Variants in FRYL observed in about 807,000 individuals in gnomAD.
FRYL encodes the protein protein furry homolog-like.
In FRYL, 150 loss-of-function variants were observed where a neutral mutation model predicts 351.2. The observed-to-expected ratio is 0.43, with a 90% confidence interval of 0.37 to 0.49. FRYL has a LOEUF of 0.49. Among genes scored for constraint, FRYL ranks in the 20% least tolerant of loss-of-function variants. The probability of loss-of-function intolerance (pLI) is 0.00; values close to 1 mark genes in which losing one functional copy is unlikely to be tolerated. For missense variants in FRYL, 3,036 were observed against 3,619.3 expected, an observed-to-expected ratio of 0.84 and a Z score of 4.13; for synonymous variants, 1,153 against 1,257.1, an observed-to-expected ratio of 0.92 and a Z score of 1.75.
intron 3 of FRYL, among the ~76,000 whole-genome samples, chr4:48,661,234 T>C (rs1240189769): frequency 6.6e-6 from 1 of 152,244 alleles, no homozygotes; most frequent in Non-Finnish European, 1.5e-5. Context: ...GACTTCTACT[T>C]CTAGCCCTGA....
Position 48,510,868 on chromosome 4 carries a change from T to G in FRYL, c.8262A>C (p.Ser2754=), listed in dbSNP as rs751246504. The change falls in exon 58 of 64, where the codon TCA becomes TCC. Residue 2754 remains serine (S), a synonymous_variant. Coordinates refer to ENST00000358350, the MANE Select transcript of FRYL (RefSeq NM_015030.2). The part of the protein sequence containing the change: ...KSSLEVMMLC[S]ECPTVFVDAE... The stretch of plus-strand genomic sequence containing the variant: ...CATCCACAAAGACTGTTGGGCATTC[T>G]GAACACAGCATCATCACTTCCAAGG... 1 of 1,613,384 alleles carries G rather than the reference T, an allele frequency of 6.2e-7. No homozygotes were observed. Among genetic ancestry groups the G allele is most frequent in the Admixed American group, 1.7e-5 (1 of 59,928 alleles).
chr4:48,698,265 G>A (rs979115724), intron 2 of FRYL, among the ~76,000 whole-genome samples: 4 of 152,222 alleles, frequency 2.6e-5, no homozygotes, highest in African/African-American at 9.6e-5. Flanking sequence ...ACTTACTATA[G>A]CCACAATCTG....
chr4:48,715,060 C>G (rs1056632763), intron 1 of FRYL, among the ~76,000 whole-genome samples: 2 of 152,160 alleles, frequency 1.3e-5, no homozygotes, highest in African/African-American at 4.8e-5. Context: ...AGGCCTTTGA[C>G]TAAATTCAAT....
chr4:48,534,692 ATAATGT>A lies in FRYL; in HGVS notation c.6565-13_6565-8del, dbSNP rs770287251. 1.3e-4 allele frequency: 190 copies of A among 1,491,842 alleles called. No homozygotes were observed. The highest frequency in any genetic ancestry group is 3.2e-5 in the Non-Finnish European group (35 of 1,085,148). 92.4% of individuals were successfully genotyped at this position (1,491,842 alleles called of 1,614,324 possible). ...ACAATCCTTTCTCTAACAGCTAAAA[ATAATGT>A]TAAAAGTAATATTAAAGTATACTTT... On this transcript the variant is annotated splice_polypyrimidine_tract_variant and splice_region_variant and intron_variant, in intron 48 of 63. Transcript: ENST00000358350.
At chr4:48,736,850 G>GAAAA (rs368006420) in intron 1 of FRYL, among the ~76,000 whole-genome samples, 3 of 40,594 alleles carry the variant, frequency 7.4e-5, no homozygotes, top group East Asian at 7.3e-4. Context: ...ACTCTGTCTC[G>GAAAA]AAAAAAAAAA....
chr4:48,609,705 CA>C (rs1202902053), intron 8 of FRYL, 38 bp downstream of exon 8: 37 of 1,040,046 alleles, frequency 3.6e-5, no homozygotes, highest in South Asian at 7.7e-5. Context: ...ACCTGGATTG[CA>C]AAAAAAGGCA....
rs551234651 is a variant in FRYL at position 48,501,283 on chromosome 4, T to G, written c.8592+340A>C. Among the ~76,000 whole-genome samples the G allele has an allele frequency of 7.2e-5, 11 of 152,210 alleles. No homozygotes were observed. In the South Asian group the frequency reaches 2.1e-3, roughly 29 times the overall value. On this transcript the variant is annotated intron_variant, in intron 62 of 63. Transcript: ENST00000358350. Reference sequence around the variant, plus strand: ...ACAGCTCACTACAGCTTCTAACTCCTGGGCTCAAGTCATCATCCCAGCTCA... The same window carrying G: ...ACAGCTCACTACAGCTTCTAACTCCGGGGCTCAAGTCATCATCCCAGCTCA...
At chr4:48,573,697 G>GCAC (rs1738891068) in intron 25 of FRYL, among the ~76,000 whole-genome samples, 1 of 151,970 alleles carries the variant, frequency 6.6e-6, no homozygotes, top group Admixed American at 6.6e-5. Flanking sequence ...TTACAGGCAT[G>GCAC]CACCACTATG....
chr4:48,737,259 GA>G (rs368219531), intron 1 of FRYL, among the ~76,000 whole-genome samples: 2,823 of 97,664 alleles, frequency 0.029, 55 homozygotes, highest in African/African-American at 0.097. Context: ...CTCCATCACA[GA>G]AAAAAAAAAA....
At chr4:48,643,562 C>G (rs1030613150) in intron 3 of FRYL, among the ~76,000 whole-genome samples, 1 of 152,050 alleles carries the variant, frequency 6.6e-6, no homozygotes, top group Non-Finnish European at 1.5e-5. Context: ...AAACCTATTT[C>G]GATTAAAAAC....
chr4:48,553,479 A>ATT, intron 35 of FRYL, 96 bp from the exon 36 acceptor site: 3 of 777,552 alleles, frequency 3.9e-6, no homozygotes, highest in African/African-American at 3.5e-5. Context: ...TTCAACTTTA[A>ATT]GTGGTAGATG....
At chr4:48,625,492 G>C (rs1278867994) in intron 4 of FRYL, among the ~76,000 whole-genome samples, 1 of 152,066 alleles carries the variant, frequency 6.6e-6, no homozygotes, top group East Asian at 1.9e-4. Context: ...AAATAAAACT[G>C]CATCTGTACT....
chr4:48,544,921 G>C lies in FRYL; in HGVS notation c.5280-17C>G. ...CCTCTTTTTCTGAAAACAGAGAACA[G>C]ATGTAATTTCCTTGGATTTTCACTT... On this transcript the variant is annotated splice_polypyrimidine_tract_variant and intron_variant, in intron 42 of 63. Transcript: ENST00000358350. The C allele has an allele frequency of 6.3e-7, 1 of 1,583,148 alleles. No individual in the cohort carries two copies.
At chr4:48,639,464 G>A (rs1403430686) in intron 3 of FRYL, among the ~76,000 whole-genome samples, 7 of 126,434 alleles carry the variant, frequency 5.5e-5, no homozygotes, top group Non-Finnish European at 1.2e-4. Context: ...AATAGTACTA[G>A]AATAACTAGA....
At chr4:48,644,779 C>G (rs1279302652) in intron 3 of FRYL, among the ~76,000 whole-genome samples, 1 of 151,860 alleles carries the variant, frequency 6.6e-6, no homozygotes, top group East Asian at 1.9e-4. Context: ...CTTATATAAT[C>G]AAGGGGTGAA....
rs553272409 is a variant in FRYL, at chr4:48,604,793, A to G, written c.834+948T>C. On this transcript the variant is annotated intron_variant, in intron 11 of 63. Transcript: ENST00000358350. ...GCTAATAAACCTGGACACAAAAGCAAATATGGTATAAAAGAATCAGGCAAC... is the reference window on the plus strand; with the variant it reads ...GCTAATAAACCTGGACACAAAAGCAGATATGGTATAAAAGAATCAGGCAAC... Among the ~76,000 whole-genome samples the G allele has an allele frequency of 5.3e-5, 8 of 152,316 alleles. No homozygotes were observed. The East Asian group carries it at 1.5e-3, about 29-fold the overall frequency.
chr4:48,519,922 C>T (rs749242204), intron 55 of FRYL, among the ~76,000 whole-genome samples: 15 of 152,130 alleles, frequency 9.9e-5, no homozygotes, highest in South Asian at 2.1e-4. Flanking sequence ...TTAGTAGAGA[C>T]GGAGTTTCAC....
chr4:48,599,532 A>G (rs1012992053), intron 13 of FRYL, among the ~76,000 whole-genome samples: 6 of 152,222 alleles, frequency 3.9e-5, no homozygotes, highest in African/African-American at 1.4e-4. Flanking sequence ...ACTAGAGAGT[A>G]ATGCCTTTTT....
At chr4:48,645,885 C>T (rs1027733528) in intron 3 of FRYL, 1 of 152,112 alleles carries the variant, frequency 6.6e-6, no homozygotes, top group South Asian at 2.1e-4. Flanking sequence ...CATACAAAAG[C>T]CCTACACTTC....
Sources: gnomAD v4.1 joint callset for allele counts (sites outside exome capture counted in the v4.1 genomes callset) on GRCh38, gnomAD v4.1.1 for gene constraint, MANE v1.5 for transcripts, NCBI Gene and HGNC (gene_info 2026-07-23, HGNC 2026-07-21) for gene names.